Variants in CPNE4 observed in about 807,000 individuals in gnomAD.
CPNE4 encodes copine-4.
A neutral mutation model predicts 67.9 loss-of-function variants in CPNE4; 25 were observed. That is an observed-to-expected ratio of 0.37 (90% CI 0.27 to 0.51). CPNE4 has a LOEUF of 0.51. Ranked by LOEUF, CPNE4 falls within the 20% of genes least tolerant of loss-of-function variation. The pLI is 0.93. For missense variants in CPNE4, 464 were observed against 690.8 expected, an observed-to-expected ratio of 0.67 and a Z score of 3.68; for synonymous variants, 242 against 244.9, an observed-to-expected ratio of 0.99 and a Z score of 0.11.
chr3:131,954,627 C>A (rs2071884114), intron 1 of CPNE4, among the ~76,000 whole-genome samples: 1 of 152,152 alleles, frequency 6.6e-6, no homozygotes, highest in South Asian at 2.1e-4. Flanking sequence ...GGTATATCTC[C>A]TAATGCTATC....
chr3:131,624,034 A>C (rs759329874), intron 7 of CPNE4, among the ~76,000 whole-genome samples: 15 of 152,146 alleles, frequency 9.9e-5, no homozygotes, highest in African/African-American at 1.2e-4. Flanking sequence ...GGAAGGGCTG[A>C]CCCTTCTCAC....
At chr3:131,958,609 CTTTTTTTTTTTTTTTTTT>C (rs748126986) in intron 1 of CPNE4, among the ~76,000 whole-genome samples, 3 of 96,032 alleles carry the variant, frequency 3.1e-5, no homozygotes, top group African/African-American at 5.0e-5. Context: ...TCTTTCTTTT[CTTTTTTTTTTTTTTTTTT>C]TTTTTTTTTT....
intron 1 of CPNE4, among the ~76,000 whole-genome samples, chr3:132,010,683 A>AT (rs1269085240): frequency 6.6e-6 from 1 of 152,188 alleles, no homozygotes; most frequent in Non-Finnish European, 1.5e-5. Flanking sequence ...CTCACAGTGC[A>AT]TGTAGTCAGA....
At chr3:131,767,420 A>G (rs2083049385) in intron 2 of CPNE4, among the ~76,000 whole-genome samples, 1 of 152,128 alleles carries the variant, frequency 6.6e-6, no homozygotes, top group African/African-American at 2.4e-5. Flanking sequence ...GATTGATTAC[A>G]AAACATGCAG....
At chr3:132,025,764 C>T (rs2074102424) in intron 1 of CPNE4, among the ~76,000 whole-genome samples, 1 of 152,178 alleles carries the variant, frequency 6.6e-6, no homozygotes. Flanking sequence ...TCTATGAAAA[C>T]TGAGCTTCAA....
intron 2 of CPNE4, among the ~76,000 whole-genome samples, chr3:131,896,230 T>G (rs2088326708): frequency 6.6e-6 from 1 of 152,072 alleles, no homozygotes; most frequent in Admixed American, 6.6e-5. Flanking sequence ...GGTTTATGAC[T>G]AATTTTGATA....
At chr3:131,799,903 C>CGTGTGT (rs137858174) in intron 2 of CPNE4, among the ~76,000 whole-genome samples, 22 of 136,178 alleles carry the variant, frequency 1.6e-4, no homozygotes, top group African/African-American at 4.8e-4. Flanking sequence ...TTTGTTGGTG[C>CGTGTGT]GTGTGTGTGT....
At chr3:131,649,829 A>G in intron 7 of CPNE4, among the ~76,000 whole-genome samples, 1 of 152,234 alleles carries the variant, frequency 6.6e-6, no homozygotes, top group East Asian at 1.9e-4. Flanking sequence ...ATAATGGCCT[A>G]AAAGAAGGCC....
chr3:131,929,611 A>G (rs1225034), intron 1 of CPNE4, among the ~76,000 whole-genome samples: 1 of 151,692 alleles, frequency 6.6e-6, no homozygotes, highest in East Asian at 2.0e-4. Flanking sequence ...CAGATCTGCA[A>G]GGATCTGCCC....
intron 7 of CPNE4, among the ~76,000 whole-genome samples, chr3:131,610,953 C>T (rs1296709533): frequency 6.6e-6 from 1 of 152,158 alleles, no homozygotes; most frequent in East Asian, 1.9e-4. Flanking sequence ...CAGTTGGATG[C>T]AGGTTATCTC....
chr3:131,836,461 A>G (rs1239323532), intron 2 of CPNE4, among the ~76,000 whole-genome samples: 1 of 152,186 alleles, frequency 6.6e-6, no homozygotes, highest in Non-Finnish European at 1.5e-5. Context: ...CTTCCTCAGC[A>G]TGATAAAGAG....
rs774063278 is a variant in CPNE4, at chr3:131,587,579, T to C, written c.685A>G (p.Ile229Val). 1.2e-6 allele frequency: 2 copies of C among 1,606,216 alleles called. No homozygotes were observed. The highest frequency in any genetic ancestry group is 1.1e-5 in the South Asian group (1 of 90,808). ...SGDPDRRLKC[I>V]VWDWDSNGKH... ...CCATTGGAGTCCCAGTCCCATACTA[T>C]GCACTGTAAGAGAAAACAATGATCT... Residue 229 changes from isoleucine (I) to valine (V), a missense_variant, in exon 8 of 16, where the codon ATA becomes GTA. Around this residue, in one of 6 missense-constraint regions of CPNE4, gnomAD observed 58 missense variants for 63.5 expected, o/e 0.91. Coordinates refer to ENST00000429747, the MANE Select transcript of CPNE4 (RefSeq NM_130808.3).
At chr3:131,863,308 A>T (rs2086776436) in intron 2 of CPNE4, among the ~76,000 whole-genome samples, 1 of 152,106 alleles carries the variant, frequency 6.6e-6, no homozygotes, top group Admixed American at 6.5e-5. Context: ...TGGTTGAACT[A>T]GTTTACAGTC....
rs574355190 is a variant in CPNE4 at position 131,819,550 on chromosome 3, G to A, written c.180+85714C>T. On this transcript the variant is annotated intron_variant, in intron 2 of 15. Coordinates refer to ENST00000429747, the MANE Select transcript of CPNE4 (RefSeq NM_130808.3). ...CACAGTTTCCTTAAAACCAAATCCTGCTTGGCATGAATATGTATAATTAGA... is the reference window on the plus strand; with the variant it reads ...CACAGTTTCCTTAAAACCAAATCCTACTTGGCATGAATATGTATAATTAGA... Among the ~76,000 whole-genome samples the A allele has an allele frequency of 2.4e-4, 36 of 151,282 alleles. 1 individual carries two copies. Among genetic ancestry groups the A allele is most frequent in the Middle Eastern group, 3.4e-3 (1 of 294 alleles).
rs6765804 is a variant in CPNE4, at chr3:132,028,918, A to G, written c.-2+5649T>C. On this transcript the variant is annotated intron_variant, in intron 1 of 15. Transcript: ENST00000429747. ...TTGTGTTAAGTAAAATATATTCTTAATTTTTCTTTTTTTTTTTTTTAAAGG... is the reference window on the plus strand; with the variant it reads ...TTGTGTTAAGTAAAATATATTCTTAGTTTTTCTTTTTTTTTTTTTTAAAGG... Among the ~76,000 whole-genome samples, 40 of 146,444 alleles carry G rather than the reference A, an allele frequency of 2.7e-4. 1 individual carries two copies. In the East Asian group the frequency reaches 4.7e-3, roughly 17 times the overall value.
At chr3:131,584,714 A>C (rs1938065359) in intron 8 of CPNE4, among the ~76,000 whole-genome samples, 1 of 152,214 alleles carries the variant, frequency 6.6e-6, no homozygotes, top group Non-Finnish European at 1.5e-5. Flanking sequence ...CAATAATTGG[A>C]ATATTCTGAA....
chr3:131,616,690 A>G (rs2107751438), intron 7 of CPNE4, among the ~76,000 whole-genome samples: 1 of 152,228 alleles, frequency 6.6e-6, no homozygotes, highest in African/African-American at 2.4e-5. Context: ...CCTCTTGTTG[A>G]TCCCTCCCAA....
chr3:131,725,583 A>G (rs933841810), intron 2 of CPNE4, among the ~76,000 whole-genome samples: 4 of 152,208 alleles, frequency 2.6e-5, no homozygotes, highest in African/African-American at 4.8e-5. Context: ...GCCACTGGCC[A>G]TTTGTGCAGG....
intron 2 of CPNE4, among the ~76,000 whole-genome samples, chr3:131,725,238 C>G (rs1265544781): frequency 6.6e-6 from 1 of 152,218 alleles, no homozygotes; most frequent in Non-Finnish European, 1.5e-5. Context: ...CCCTAACATT[C>G]TTCAGTTCAG....
Sources: allele counts gnomAD v4.1 joint callset (sites outside exome capture counted in the v4.1 genomes callset), GRCh38; gene constraint gnomAD v4.1.1; regional missense constraint gnomAD v4.1.1; transcripts MANE v1.5; gene names NCBI Gene and HGNC (gene_info 2026-07-23, HGNC 2026-07-21).